SERPINE2: variants seen among roughly 807,000 people sequenced by gnomAD.
SERPINE2 encodes the protein serpin family E member 2.
Under a neutral mutation model 36.3 loss-of-function variants are expected in SERPINE2, and 14 were observed. That is an observed-to-expected ratio of 0.39 (90% CI 0.25 to 0.60). The LOEUF is 0.60. SERPINE2 is among the 20% of genes least tolerant of loss of function. The pLI is 0.57. For missense variants in SERPINE2, 418 were observed against 499.6 expected (o/e 0.84, Z 1.56); for synonymous variants, 192 against 191.8 (o/e 1.00, Z -0.01).
chr2:223,988,185 A>C (rs1690513701), intron 4 of SERPINE2, among the ~76,000 whole-genome samples: 1 of 152,114 alleles, frequency 6.6e-6, no homozygotes, highest in African/African-American at 2.4e-5. Flanking sequence ...ATATTTATTT[A>C]CTGAGACAGG....
chr2:223,985,925 G>A (rs1690409827), intron 4 of SERPINE2, among the ~76,000 whole-genome samples: 1 of 152,228 alleles, frequency 6.6e-6, no homozygotes, highest in African/African-American at 2.4e-5. Flanking sequence ...CAGTCTACCT[G>A]CAAGATGCTC....
At chr2:224,024,533 T>C (rs1371591334) in intron 1 of SERPINE2, among the ~76,000 whole-genome samples, 1 of 152,202 alleles carries the variant, frequency 6.6e-6, no homozygotes, top group Non-Finnish European at 1.5e-5. Context: ...CATTTAACAC[T>C]ACTGTGGAAC....
At chr2:224,030,545 G>T (rs1391508591) in intron 1 of SERPINE2, 4 of 152,280 alleles carry the variant, frequency 2.6e-5, no homozygotes, top group Non-Finnish European at 4.4e-5. Flanking sequence ...ACTCACGGAT[G>T]GGCTTGGAGA....
At position 223,980,396 on chromosome 2, in the gene SERPINE2, C is replaced by A. The variant is rs1347334514; in HGVS notation, c.987G>T (p.Arg329Ser). ...SSKANFAKIT[R>S]SENLHVSHIL... ...TATGAGAAACATGGAGGTTTTCTGACCCTGCTTCCAGAAAATAAAACAGTA... is the reference window on the plus strand; with the variant it reads ...TATGAGAAACATGGAGGTTTTCTGAACCTGCTTCCAGAAAATAAAACAGTA... The change falls in exon 7 of 9, where the codon AGG becomes AGT. Residue 329 changes from arginine (R) to serine (S), a missense_variant and splice_region_variant. Physicochemically the swap from Arg to Ser is moderately radical, Grantham distance 110. Transcript: ENST00000409304. 1.2e-6 allele frequency: 2 copies of A among 1,613,712 alleles called. No homozygotes were observed. The highest frequency in any genetic ancestry group is 1.7e-6 in the Non-Finnish European group (2 of 1,179,594).
intron 3 of SERPINE2, among the ~76,000 whole-genome samples, chr2:223,995,589 A>G (rs1690851556): frequency 6.6e-6 from 1 of 152,168 alleles, no homozygotes; most frequent in Non-Finnish European, 1.5e-5. Context: ...TTTCGTGTGT[A>G]AACACAGGGT....
chr2:223,984,617 C>T (rs1010274610), intron 5 of SERPINE2, 135 bp downstream of exon 5: 1 of 781,528 alleles, frequency 1.3e-6, no homozygotes, highest in African/African-American at 1.7e-5. Context: ...CCTCGTAATC[C>T]CACCATGAAA....
Position 223,998,284 on chromosome 2 carries a change from GTCTT to G in SERPINE2, c.314_317del (p.Lys105ThrfsTer3). The G allele has an allele frequency of 6.2e-7, 1 of 1,614,102 alleles. No individual in the cohort carries two copies. The highest frequency in any genetic ancestry group is 1.1e-5 in the South Asian group (1 of 91,074). On this transcript the variant is annotated frameshift_variant, in exon 3 of 9. Transcript: ENST00000409304. LOFTEE classifies it high-confidence loss of function. ...ACACGGCGTTAGCCACTGTCACAATGTCTTTATTCTTCTTGGAGACGATGGCCTT... is the reference window on the plus strand; with the variant it reads ...ACACGGCGTTAGCCACTGTCACAATGTATTCTTCTTGGAGACGATGGCCTT...
chr2:223,979,113 T>C (rs1690123750), intron 7 of SERPINE2: 1 of 152,178 alleles, frequency 6.6e-6, no homozygotes, highest in Admixed American at 6.5e-5. Context: ...GTCAACGGTA[T>C]TTTGTCATGG....
In SERPINE2 at chr2:223,991,911, A is replaced by G; in HGVS notation, c.577T>C (p.Trp193Arg). 1 of 1,613,202 alleles carries G rather than the reference A, an allele frequency of 6.2e-7. No individual in the cohort carries two copies. The highest frequency in any genetic ancestry group is 8.5e-7 in the Non-Finnish European group (1 of 1,179,602). ...TTCTCGGGTTGGAACCGTGATTTCC[A>G]CAGACCCTTGAAATACACTGCGTTG... ...LVNAVYFKGL[W>R]KSRFQPENTK... Residue 193 changes from tryptophan to arginine, a missense_variant, in exon 4 of 9, where the codon TGG becomes CGG. Physicochemically the swap from Trp to Arg is moderately radical, Grantham distance 101 (BLOSUM62 -3). Coordinates refer to ENST00000409304, the MANE Select transcript of SERPINE2 (RefSeq NM_001136528.2).
At chr2:223,983,505 G>A (rs893514091) in intron 5 of SERPINE2, among the ~76,000 whole-genome samples, 19 of 151,942 alleles carry the variant, frequency 1.3e-4, no homozygotes, top group African/African-American at 3.6e-4. Flanking sequence ...CGCCCACCTC[G>A]GCCTCCCAAA....
chr2:224,002,137 C>T (rs1215263016), intron 1 of SERPINE2, among the ~76,000 whole-genome samples: 7 of 151,974 alleles, frequency 4.6e-5, no homozygotes, highest in African/African-American at 9.6e-5. Context: ...CCACCATACA[C>T]GGCTAATTTT....
chr2:224,032,269 A>C (rs1475163817), intron 1 of SERPINE2, among the ~76,000 whole-genome samples: 1 of 152,198 alleles, frequency 6.6e-6, no homozygotes, highest in East Asian at 1.9e-4. Context: ...TTCATTTCCG[A>C]GTGGGCTTTG....
At chr2:223,980,236 G>T in intron 7 of SERPINE2, 75 bp downstream of exon 7, 1 of 1,233,636 alleles carries the variant, frequency 8.1e-7, no homozygotes, top group Non-Finnish European at 1.2e-6. Flanking sequence ...TTACATATTT[G>T]CTCAACCAAT....
At chr2:224,018,810 C>T (rs189884559) in intron 1 of SERPINE2, among the ~76,000 whole-genome samples, 19 of 152,288 alleles carry the variant, frequency 1.2e-4, no homozygotes, top group African/African-American at 4.3e-4. Flanking sequence ...TCCCACAGAA[C>T]CATCAACAAG....
rs532075700 is a variant in SERPINE2 at position 223,999,273 on chromosome 2, T to C, written c.260-931A>G. On this transcript the variant is annotated intron_variant, in intron 2 of 8. Coordinates refer to ENST00000409304, the MANE Select transcript of SERPINE2 (RefSeq NM_001136528.2). ...CATGAGCCATTCATACATGCTCCAT[T>C]TAGTTTGAGAGGGTGAAAAAGAGGC... is the stretch of plus-strand genomic sequence containing the variant. 9.9e-5 allele frequency among the ~76,000 whole-genome samples: 15 copies of C among 152,226 alleles called. No homozygotes were observed. In the South Asian group the frequency reaches 2.5e-3, roughly 25 times the overall value.
intron 1 of SERPINE2, chr2:224,038,498 AC>A: frequency 6.4e-7 from 1 of 1,551,516 alleles, no homozygotes; most frequent in Non-Finnish European, 8.7e-7. Flanking sequence ...ACCTGCAGTC[AC>A]TCATCCGCCT....
At chr2:224,005,065 TTATATATATA>T (rs71058976) in intron 1 of SERPINE2, among the ~76,000 whole-genome samples, 52 of 33,578 alleles carry the variant, frequency 1.5e-3, no homozygotes, top group African/African-American at 5.0e-3. Flanking sequence ...TTTATATATA[TTATATATATA>T]TATATATATA....
At chr2:224,024,839 A>G (rs1692130973) in intron 1 of SERPINE2, among the ~76,000 whole-genome samples, 1 of 152,222 alleles carries the variant, frequency 6.6e-6, no homozygotes, top group Non-Finnish European at 1.5e-5. Context: ...TCTCCTTCTC[A>G]GCTTTATCTA....
chr2:223,989,927 T>G (rs1396069981), intron 4 of SERPINE2, among the ~76,000 whole-genome samples: 1 of 152,046 alleles, frequency 6.6e-6, no homozygotes, highest in African/African-American at 2.4e-5. Context: ...AGAAACATGA[T>G]GGACAGTACC....
Sources: gnomAD v4.1 joint callset for allele counts (sites outside exome capture counted in the v4.1 genomes callset) on GRCh38, gnomAD v4.1.1 for gene constraint, MANE v1.5 for transcripts, NCBI Gene and HGNC (gene_info 2026-07-23, HGNC 2026-07-21) for gene names.